Variants in HS6ST3 observed in about 807,000 individuals in gnomAD.
HS6ST3 encodes heparan sulfate 6-O-sulfotransferase 3, also known as heparan-sulfate 6-O-sulfotransferase 3.
HS6ST3 carries 12 observed loss-of-function variants against 36.7 expected under a neutral mutation model. The ratio of observed to expected loss-of-function variants is 0.33; its 90% confidence interval spans 0.21 to 0.53. HS6ST3 has a LOEUF of 0.53. Among genes scored for constraint, HS6ST3 ranks in the 20% least tolerant of loss-of-function variants. The probability of loss-of-function intolerance (pLI) is 0.95; values close to 1 mark genes in which losing one functional copy is unlikely to be tolerated. For missense variants in HS6ST3, 584 were observed against 640.9 expected (o/e 0.91, Z 0.96); for synonymous variants, 240 against 257.5 (o/e 0.93, Z 0.65).
At chr13:96,314,667 A>G (rs1441770099) in intron 1 of HS6ST3, among the ~76,000 whole-genome samples, 1 of 152,240 alleles carries the variant, frequency 6.6e-6, no homozygotes, top group East Asian at 1.9e-4. Context: ...CATATTGTGG[A>G]ATGAAAGAAT....
intron 1 of HS6ST3, among the ~76,000 whole-genome samples, chr13:96,297,162 A>G (rs986358210): frequency 1.6e-4 from 25 of 152,098 alleles, no homozygotes; most frequent in African/African-American, 5.6e-4. Flanking sequence ...GTTTTAAACT[A>G]TATTTCAAAC....
chr13:96,677,877 G>A (rs548506687), intron 1 of HS6ST3, among the ~76,000 whole-genome samples: 5 of 152,206 alleles, frequency 3.3e-5, no homozygotes, highest in Non-Finnish European at 5.9e-5. Flanking sequence ...ATAATGAGTT[G>A]TTTAAATTAG....
intron 1 of HS6ST3, among the ~76,000 whole-genome samples, chr13:96,578,887 C>A (rs2056331278): frequency 1.3e-5 from 2 of 152,172 alleles, no homozygotes; most frequent in Non-Finnish European, 2.9e-5. Context: ...TCATCCCTAG[C>A]TGTGAGTGCC....
At chr13:96,112,643 C>T (rs2053876203) in intron 1 of HS6ST3, among the ~76,000 whole-genome samples, 1 of 123,102 alleles carries the variant, frequency 8.1e-6, no homozygotes. Context: ...TGGTGTACAC[C>T]TGTGGTCCCA....
chr13:96,286,696 C>A (rs1925120), intron 1 of HS6ST3, among the ~76,000 whole-genome samples: 3,941 of 152,234 alleles, frequency 0.026, 67 homozygotes, highest in East Asian at 0.054. Context: ...GGCACCTTCA[C>A]TCTCCTGATG....
At chr13:96,798,681 A>T (rs1245946897) in intron 1 of HS6ST3, among the ~76,000 whole-genome samples, 1 of 152,116 alleles carries the variant, frequency 6.6e-6, no homozygotes, top group Non-Finnish European at 1.5e-5. Context: ...TGCTTACCTT[A>T]TAGAGTTAGG....
intron 1 of HS6ST3, among the ~76,000 whole-genome samples, chr13:96,649,251 A>G (rs2056599459): frequency 6.6e-6 from 1 of 152,072 alleles, no homozygotes; most frequent in African/African-American, 2.4e-5. Context: ...ACCTACAATC[A>G]TGGCAGAAGG....
At position 96,393,352 on chromosome 13, in the gene HS6ST3, T is replaced by C. The variant is rs543327569; in HGVS notation, c.707+301783T>C. On this transcript the variant is annotated intron_variant, in intron 1 of 1. Transcript: ENST00000376705. ...AGGGAGACCTTAGGTAGCAAGCTGTTATAATCATCCAGGAAACTATTAAAT... is the reference window on the plus strand; with the variant it reads ...AGGGAGACCTTAGGTAGCAAGCTGTCATAATCATCCAGGAAACTATTAAAT... 1.4e-4 allele frequency among the ~76,000 whole-genome samples: 21 copies of C among 152,308 alleles called. 1 individual carries two copies. The South Asian group carries it at 4.4e-3, about 32-fold the overall frequency.
chr13:96,613,339 G>A (rs934829291), intron 1 of HS6ST3, among the ~76,000 whole-genome samples: 3 of 152,136 alleles, frequency 2.0e-5, no homozygotes, highest in Admixed American at 6.5e-5. Context: ...AGCACAGAGA[G>A]GTTAAATAAA....
chr13:96,670,128 G>A (rs780858521), intron 1 of HS6ST3, among the ~76,000 whole-genome samples: 44 of 152,266 alleles, frequency 2.9e-4, no homozygotes, highest in Non-Finnish European at 6.0e-4. Flanking sequence ...CTAAGAAGGA[G>A]CAAGGTCAGA....
chr13:96,413,932 C>A (rs1018544677), intron 1 of HS6ST3, among the ~76,000 whole-genome samples: 2 of 152,180 alleles, frequency 1.3e-5, no homozygotes, highest in African/African-American at 4.8e-5. Flanking sequence ...ACTTAGGTTT[C>A]AATTCTGAAT....
chr13:96,496,395 G>C (rs563830217), intron 1 of HS6ST3, among the ~76,000 whole-genome samples: 1 of 152,202 alleles, frequency 6.6e-6, no homozygotes, highest in Non-Finnish European at 1.5e-5. Flanking sequence ...AGGGACATCT[G>C]TATTCCGTCT....
At chr13:96,720,894 C>A (rs951501561) in intron 1 of HS6ST3, among the ~76,000 whole-genome samples, 11 of 152,126 alleles carry the variant, frequency 7.2e-5, no homozygotes, top group African/African-American at 2.4e-4. Context: ...ATTAAAAGAA[C>A]AATTCACATT....
intron 1 of HS6ST3, among the ~76,000 whole-genome samples, chr13:96,591,049 A>G (rs914590069): frequency 4.1e-5 from 6 of 146,990 alleles, no homozygotes; most frequent in African/African-American, 1.5e-4. Flanking sequence ...TTTGGTCTAG[A>G]TGTCTGTTTT....
chr13:96,712,629 A>C, intron 1 of HS6ST3, among the ~76,000 whole-genome samples: 1 of 152,198 alleles, frequency 6.6e-6, no homozygotes, highest in Middle Eastern at 3.2e-3. Context: ...TTGGCCTGCC[A>C]TCCAAATCGA....
intron 1 of HS6ST3, among the ~76,000 whole-genome samples, chr13:96,784,306 A>G (rs1232046687): frequency 6.6e-6 from 1 of 152,190 alleles, no homozygotes; most frequent in African/African-American, 2.4e-5. Context: ...GAAGGGAGGA[A>G]GGAGAAAGAA....
chr13:96,314,783 A>G (rs892066097), intron 1 of HS6ST3, among the ~76,000 whole-genome samples: 2 of 152,190 alleles, frequency 1.3e-5, no homozygotes, highest in African/African-American at 4.8e-5. Context: ...AATAAAAATA[A>G]TTTGGGGGCA....
intron 1 of HS6ST3, among the ~76,000 whole-genome samples, chr13:96,552,363 T>C (rs1460662778): frequency 6.6e-6 from 1 of 152,204 alleles, no homozygotes; most frequent in East Asian, 1.9e-4. Flanking sequence ...CTATGGACAG[T>C]AGCTGACCCC....
chr13:96,799,962 A>G (rs12869416), intron 1 of HS6ST3, among the ~76,000 whole-genome samples: 13,057 of 69,196 alleles, frequency 0.19, 1,109 homozygotes, highest in Middle Eastern at 0.27. Flanking sequence ...ATATATATAT[A>G]TGTGTATATA....
Sources: gnomAD v4.1 joint callset for allele counts (sites outside exome capture counted in the v4.1 genomes callset) on GRCh38, gnomAD v4.1.1 for gene constraint, MANE v1.5 for transcripts, NCBI Gene and HGNC (gene_info 2026-07-23, HGNC 2026-07-21) for gene names.